SPART: variants seen among roughly 807,000 people sequenced by gnomAD.
SPART encodes the protein spartin, also known as spastic paraplegia 20 (Troyer syndrome).
In SPART, 35 loss-of-function variants were observed where a neutral mutation model predicts 58.7. The observed-to-expected ratio is 0.60, with a 90% CI of 0.46 to 0.79. The LOEUF (loss-of-function observed/expected upper bound fraction) is 0.79. SPART is among the 30% of genes least tolerant of loss of function. The pLI, the probability that SPART is intolerant of heterozygous loss-of-function variation, is 0.00. For synonymous variants in SPART, 284 were observed against 280.7 expected (o/e 1.01, Z -0.12); for missense variants, 730 against 786.1 (o/e 0.93, Z 0.85).
chr13:36,365,329 A>G, intron 1 of SPART, among the ~76,000 whole-genome samples: 1 of 152,216 alleles, frequency 6.6e-6, no homozygotes, highest in East Asian at 1.9e-4. Context: ...TATTAAGTGT[A>G]TGGTGTACAT....
chr13:36,359,708 G>C (rs1885762090), intron 1 of SPART, among the ~76,000 whole-genome samples: 1 of 152,136 alleles, frequency 6.6e-6, no homozygotes, highest in Non-Finnish European at 1.5e-5. Flanking sequence ...CAAGAGCACA[G>C]ATCCTGAAGC....
intron 5 of SPART, among the ~76,000 whole-genome samples, chr13:36,324,923 A>AG (rs1371649002): frequency 2.2e-4 from 33 of 152,156 alleles, no homozygotes; most frequent in Non-Finnish European, 4.4e-5. Context: ...AGCCAGGATG[A>AG]GCCAGGAAAA....
At chr13:36,354,536 T>C (rs1224312781) in intron 1 of SPART, among the ~76,000 whole-genome samples, 1 of 152,240 alleles carries the variant, frequency 6.6e-6, no homozygotes, top group Non-Finnish European at 1.5e-5. Context: ...CCCTGATTAA[T>C]AACACTTTGC....
chr13:36,314,259 G>A lies in SPART; in HGVS notation c.1451C>T (p.Thr484Ile), dbSNP rs769132101. Residue 484 changes from threonine to isoleucine, a missense_variant, in exon 6 of 9, where the codon ACA becomes ATA. Transcript: ENST00000438666. Reference sequence around the variant, plus strand: ...CTGACTGACTTTTGCTGCTCCTCCTGTAGCTTGCTTCGCTATATAAAGTCC... The same window carrying A: ...CTGACTGACTTTTGCTGCTCCTCCTATAGCTTGCTTCGCTATATAAAGTCC... ...TKGLYIAKQA[T>I]GGAAKVSQFL... 11 of 1,613,944 alleles carry A rather than the reference G, an allele frequency of 6.8e-6. No individual in the cohort carries two copies. Among genetic ancestry groups the A allele is most frequent in the Admixed American group, 3.3e-5 (2 of 59,996 alleles).
intron 1 of SPART, among the ~76,000 whole-genome samples, chr13:36,354,075 A>G (rs1885526125): frequency 6.6e-6 from 1 of 152,210 alleles, no homozygotes; most frequent in African/African-American, 2.4e-5. Context: ...CTGGTTGATT[A>G]AATTCTATTC....
Position 36,314,268 on chromosome 13 carries a change from T to A in SPART, c.1442A>T (p.Lys481Met). The change falls in exon 6 of 9, where the codon AAG becomes ATG. Residue 481 changes from lysine (K) to methionine (M), a missense_variant. Lys to Met is a moderately conservative substitution (Grantham distance 95). Coordinates refer to ENST00000438666, the MANE Select transcript of SPART (RefSeq NM_015087.5). ...PAVTKGLYIA[K>M]QATGGAAKVS... ...TTTTGCTGCTCCTCCTGTAGCTTGCTTCGCTATATAAAGTCCCTTGGTGAC... is the reference window on the plus strand; with the variant it reads ...TTTTGCTGCTCCTCCTGTAGCTTGCATCGCTATATAAAGTCCCTTGGTGAC... The A allele has an allele frequency of 6.2e-7, 1 of 1,614,176 alleles. No homozygotes were observed. The highest frequency in any genetic ancestry group is 8.5e-7 in the Non-Finnish European group (1 of 1,180,022).
At chr13:36,339,325 A>G (rs1277534268) in intron 1 of SPART, among the ~76,000 whole-genome samples, 1 of 152,142 alleles carries the variant, frequency 6.6e-6, no homozygotes, top group Non-Finnish European at 1.5e-5. Context: ...AATAGGCAAT[A>G]ATAAATAAGA....
chr13:36,333,558 G>A (rs936291766), intron 2 of SPART, among the ~76,000 whole-genome samples: 5 of 150,594 alleles, frequency 3.3e-5, no homozygotes, highest in African/African-American at 9.7e-5. Context: ...TTAAATTTTG[G>A]GTGCAATTTT....
upstream of SPART, among the ~76,000 whole-genome samples, chr13:36,348,208 C>T (rs1434514951): frequency 6.6e-6 from 1 of 152,176 alleles, no homozygotes; most frequent in African/African-American, 2.4e-5. Flanking sequence ...ATCACCTGAG[C>T]TGGGGAGGCA....
intron 1 of SPART, chr13:36,369,706 T>A (rs1385729160): frequency 6.6e-6 from 1 of 152,204 alleles, no homozygotes; most frequent in African/African-American, 2.4e-5. Flanking sequence ...TCTCAGGAGC[T>A]CTCTCTTTCA....
intron 6 of SPART, chr13:36,312,707 A>G: frequency 5.3e-6 from 3 of 569,090 alleles, no homozygotes; most frequent in Non-Finnish European, 9.3e-6. Flanking sequence ...CCTCCTGAGT[A>G]GCTGGGACTA....
At chr13:36,308,520 G>A (rs1176726027) in intron 8 of SPART, 1 of 152,016 alleles carries the variant, frequency 6.6e-6, no homozygotes, top group African/African-American at 2.4e-5. Context: ...TTAAAAATAT[G>A]CTATTTATCA....
At chr13:36,309,142 G>C (rs1448089727) in intron 8 of SPART, among the ~76,000 whole-genome samples, 1 of 151,896 alleles carries the variant, frequency 6.6e-6, no homozygotes, top group Non-Finnish European at 1.5e-5. Flanking sequence ...TACTAGGGAG[G>C]CTGAGGCAGG....
intron 4 of SPART, among the ~76,000 whole-genome samples, chr13:36,327,206 A>G (rs1883018883): frequency 6.6e-6 from 1 of 152,218 alleles, no homozygotes; most frequent in African/African-American, 2.4e-5. Flanking sequence ...TGGAGAACAT[A>G]TATCTATACT....
chr13:36,325,842 G>C (rs1214736109), intron 5 of SPART: 1 of 152,308 alleles, frequency 6.6e-6, no homozygotes, highest in Non-Finnish European at 1.5e-5. Flanking sequence ...TTCCAAAGAT[G>C]GATGAACATG....
chr13:36,350,955 T>C (rs535422042), upstream of SPART, among the ~76,000 whole-genome samples: 1 of 152,310 alleles, frequency 6.6e-6, no homozygotes, highest in South Asian at 2.1e-4. Flanking sequence ...CCTCCAGTGG[T>C]ATACATACCC....
At chr13:36,332,565 T>A (rs1217240362) in intron 2 of SPART, among the ~76,000 whole-genome samples, 2 of 152,202 alleles carry the variant, frequency 1.3e-5, no homozygotes, top group Middle Eastern at 3.2e-3. Context: ...GAATAATTTT[T>A]TGTACTAAAC....
At chr13:36,320,327 C>G (rs543593295) in intron 5 of SPART, among the ~76,000 whole-genome samples, 132 of 152,288 alleles carry the variant, frequency 8.7e-4, no homozygotes, top group Admixed American at 2.6e-3. Context: ...GGATACCACA[C>G]CTGACCCCCA....
At chr13:36,322,184 G>A (rs1471643469) in intron 5 of SPART, among the ~76,000 whole-genome samples, 3 of 152,124 alleles carry the variant, frequency 2.0e-5, no homozygotes, top group South Asian at 2.1e-4. Flanking sequence ...TCACACGGAC[G>A]TGCATGAAAC....
Sources: gnomAD v4.1 joint callset for allele counts (sites outside exome capture counted in the v4.1 genomes callset) on GRCh38, gnomAD v4.1.1 for gene constraint, MANE v1.5 for transcripts, NCBI Gene and HGNC (gene_info 2026-07-23, HGNC 2026-07-21) for gene names.